EPS15: variants seen among roughly 807,000 people sequenced by gnomAD.
The protein encoded by EPS15 is epidermal growth factor receptor substrate 15.
Under a neutral mutation model 113.8 loss-of-function variants are expected in EPS15, and 72 were observed. That is an observed-to-expected ratio of 0.63 (90% CI 0.52 to 0.77). The LOEUF (loss-of-function observed/expected upper bound fraction) is 0.77, where lower values mean the gene tolerates loss of function less well. EPS15 is among the 30% of genes least tolerant of loss of function. EPS15 has a pLI of 0.00. For synonymous variants in EPS15, 344 were observed against 363.4 expected (o/e 0.95, Z 0.61); for missense variants, 1,048 against 1,045.8 (o/e 1.00, Z -0.03).
intron 8 of EPS15, among the ~76,000 whole-genome samples, chr1:51,454,031 C>T (rs1418132888): frequency 9.0e-6 from 1 of 111,672 alleles, no homozygotes; most frequent in Admixed American, 1.3e-4. Context: ...GTCTGGGCGA[C>T]AGAGTGAGAC....
chr1:51,483,861 G>A (rs892993663), intron 1 of EPS15, among the ~76,000 whole-genome samples: 1 of 151,824 alleles, frequency 6.6e-6, no homozygotes, highest in African/African-American at 2.4e-5. Context: ...AATCCCAGGA[G>A]GGGATTTGGG....
In EPS15 at chr1:51,400,911, T is replaced by C. The variant is rs1648481181; in HGVS notation, c.1918+7A>G. 1 of 1,573,284 alleles carries C rather than the reference T, an allele frequency of 6.4e-7. No individual in the cohort carries two copies. The highest frequency in any genetic ancestry group is 1.2e-5 in the South Asian group (1 of 86,360). ...AAAGCTAAGATGAAACTCAATAAGA[T>C]ACTGACCGATTTTTCCAAAAGGATC... is the stretch of plus-strand genomic sequence containing the variant. On this transcript the variant is annotated splice_region_variant and intron_variant, in intron 19 of 24. Transcript: ENST00000371733.
intron 21 of EPS15, among the ~76,000 whole-genome samples, chr1:51,391,579 G>A (rs948067919): frequency 1.3e-5 from 2 of 152,102 alleles, no homozygotes; most frequent in Non-Finnish European, 2.9e-5. Flanking sequence ...TAGTGCAAAG[G>A]GCCAAAGAAC....
intron 2 of EPS15, among the ~76,000 whole-genome samples, chr1:51,475,288 A>C (rs1344547348): frequency 6.6e-6 from 1 of 152,082 alleles, no homozygotes; most frequent in Admixed American, 6.6e-5. Context: ...ATTAGTTTAC[A>C]CTCCCATCAA....
intron 7 of EPS15, among the ~76,000 whole-genome samples, chr1:51,461,364 AT>A (rs1421875671): frequency 2.0e-5 from 3 of 151,608 alleles, no homozygotes; most frequent in Non-Finnish European, 2.9e-5. Context: ...AAAGATAAAA[AT>A]AAAAAATTAG....
At chr1:51,440,313 G>GTA (rs1491050013) in intron 12 of EPS15, 34 bp downstream of exon 12, 1 of 777,448 alleles carries the variant, frequency 1.3e-6, no homozygotes, top group South Asian at 1.6e-5. Context: ...GTGTGTGTGT[G>GTA]TATGTGAGTA....
At chr1:51,379,849 G>A (rs1646896918) in intron 21 of EPS15, among the ~76,000 whole-genome samples, 1 of 152,066 alleles carries the variant, frequency 6.6e-6, no homozygotes, top group African/African-American at 2.4e-5. Context: ...ATCACTTGAG[G>A]TCAGGAGTTC....
At chr1:51,512,496 A>C (rs1488334739) in intron 1 of EPS15, among the ~76,000 whole-genome samples, 3 of 152,192 alleles carry the variant, frequency 2.0e-5, no homozygotes, top group African/African-American at 7.2e-5. Context: ...AAAACAAAAA[A>C]AAATTCAGAG....
At position 51,406,069 on chromosome 1, in the gene EPS15, G is replaced by C; in HGVS notation, c.1513C>G (p.His505Asp). ...KLMEMKDLEN[H>D]NSQLNWCSSP... ...CTGCACCAATTTAACTGACTATTAT[G>C]ATTTTCCAAATCTTTCATTTCCATC... The change falls in exon 16 of 25, where the codon CAT (histidine) becomes GAT (aspartate). Residue 505 changes from histidine to aspartate, a missense_variant. Coordinates refer to ENST00000371733, the MANE Select transcript of EPS15 (RefSeq NM_001981.3). 1 of 1,613,976 alleles carries C rather than the reference G, an allele frequency of 6.2e-7. No individual in the cohort carries two copies. Among genetic ancestry groups the C allele is most frequent in the Non-Finnish European group, 8.5e-7 (1 of 1,179,960 alleles).
intron 12 of EPS15, among the ~76,000 whole-genome samples, chr1:51,427,916 A>C (rs1056222313): frequency 3.9e-5 from 6 of 152,216 alleles, no homozygotes; most frequent in African/African-American, 1.4e-4. Flanking sequence ...GATAAACACA[A>C]AAAGACTCAC....
chr1:51,506,797 A>C (rs987236669), intron 1 of EPS15, among the ~76,000 whole-genome samples: 2 of 152,146 alleles, frequency 1.3e-5, no homozygotes, highest in Non-Finnish European at 2.9e-5. Flanking sequence ...AAAAAAAAAA[A>C]AAAACAGAAC....
intron 1 of EPS15, among the ~76,000 whole-genome samples, chr1:51,488,357 T>C (rs2148532617): frequency 6.6e-6 from 1 of 151,886 alleles, no homozygotes; most frequent in South Asian, 2.1e-4. Context: ...TGTCACAAAG[T>C]TAAATATTCA....
intron 13 of EPS15, among the ~76,000 whole-genome samples, chr1:51,419,955 T>C (rs1650592110): frequency 6.6e-6 from 1 of 152,150 alleles, no homozygotes; most frequent in African/African-American, 2.4e-5. Context: ...GTAACATAGA[T>C]AACTGTAGTG....
At chr1:51,480,137 T>C (rs1643993846) in intron 2 of EPS15, among the ~76,000 whole-genome samples, 1 of 152,220 alleles carries the variant, frequency 6.6e-6, no homozygotes, top group African/African-American at 2.4e-5. Context: ...AGTTTATAGC[T>C]CCTGATTTGC....
chr1:51,435,787 C>T (rs777477380), intron 12 of EPS15, among the ~76,000 whole-genome samples: 26 of 152,030 alleles, frequency 1.7e-4, no homozygotes, highest in Admixed American at 5.9e-4. Flanking sequence ...TATAGTTAAA[C>T]AGTAGAAATA....
chr1:51,396,209 T>C (rs1206411877), intron 20 of EPS15, among the ~76,000 whole-genome samples: 1 of 152,218 alleles, frequency 6.6e-6, no homozygotes, highest in Non-Finnish European at 1.5e-5. Context: ...AACTGGTCTA[T>C]ATAGCGAGAT....
intron 4 of EPS15, among the ~76,000 whole-genome samples, chr1:51,470,108 T>C (rs765129145): frequency 2.0e-5 from 3 of 152,210 alleles, no homozygotes; most frequent in Non-Finnish European, 4.4e-5. Flanking sequence ...TCAAGTCTAT[T>C]ACCACAGTAT....
intron 12 of EPS15, among the ~76,000 whole-genome samples, chr1:51,433,836 A>C (rs1377415292): frequency 1.3e-5 from 2 of 152,220 alleles, no homozygotes; most frequent in African/African-American, 2.4e-5. Flanking sequence ...AAGGACAGAG[A>C]CAGGAAGGAA....
At chr1:51,396,019 A>G (rs543599519) in intron 20 of EPS15, among the ~76,000 whole-genome samples, 2 of 152,326 alleles carry the variant, frequency 1.3e-5, no homozygotes, top group Admixed American at 6.5e-5. Context: ...TTCTCTCTTT[A>G]TAAAAGAGAG....
Sources: gnomAD v4.1 joint callset for allele counts (sites outside exome capture counted in the v4.1 genomes callset) on GRCh38, gnomAD v4.1.1 for gene constraint, MANE v1.5 for transcripts, NCBI Gene and HGNC (gene_info 2026-07-23, HGNC 2026-07-21) for gene names.